Variants in FARP2 observed in about 807,000 individuals in gnomAD.
The protein encoded by FARP2 is FERM, ARH/RhoGEF and pleckstrin domain protein 2, also known as FERM, ARHGEF and pleckstrin domain-containing protein 2.
A neutral mutation model predicts 130.5 loss-of-function variants in FARP2; 111 were observed. The observed-to-expected ratio is 0.85, with a 90% CI of 0.73 to 1.00. The LOEUF (loss-of-function observed/expected upper bound fraction) is 1.00. Ranked by LOEUF, FARP2 falls within the 50% of genes least tolerant of loss-of-function variation. The pLI is 0.00. For synonymous variants in FARP2, 504 were observed against 516.9 expected (o/e 0.98, Z 0.34); for missense variants, 1,385 against 1,346.3 (o/e 1.03, Z -0.45).
chr2:241,431,634 T>C (rs1367472122), intron 8 of FARP2, 45 bp from the exon 9 acceptor site: 1 of 948,220 alleles, frequency 1.1e-6, no homozygotes, highest in Non-Finnish European at 1.7e-6. Context: ...AGAAAGGGGT[T>C]ATGTGCCAGA....
At chr2:241,440,618 A>C (rs2063357244) in intron 12 of FARP2, among the ~76,000 whole-genome samples, 1 of 152,078 alleles carries the variant, frequency 6.6e-6, no homozygotes, top group South Asian at 2.1e-4. Flanking sequence ...TACATGTATG[A>C]GTGGATTGGT....
chr2:241,448,525 G>A (rs1449055251), intron 13 of FARP2, among the ~76,000 whole-genome samples: 1 of 152,168 alleles, frequency 6.6e-6, no homozygotes, highest in African/African-American at 2.4e-5. Context: ...ATAAGTCAGA[G>A]CATGCTTCTC....
Position 241,492,807 on chromosome 2 carries a change from G to C in FARP2, c.2788-122G>C, listed in dbSNP as rs1463957039. The C allele has an allele frequency of 4.6e-6, 3 of 645,910 alleles. No homozygotes were observed. The African/African-American group carries it at 5.5e-5, about 12-fold the overall frequency. 40.0% of individuals were successfully genotyped at this position (645,910 alleles called of 1,614,324 possible). On this transcript the variant is annotated intron_variant, in intron 24 of 26. Transcript: ENST00000264042. The stretch of plus-strand genomic sequence containing the variant: ...TAAAGCTGCTGTTCATAGCAGTCCA[G>C]AGGTAAAACCAAGGCCTCAGCTGGA...
chr2:241,411,712 T>C (rs1322785697), intron 6 of FARP2, among the ~76,000 whole-genome samples: 2 of 152,234 alleles, frequency 1.3e-5, no homozygotes, highest in East Asian at 3.8e-4. Context: ...GCTCCTGGAC[T>C]AGAGGTGGGA....
chr2:241,441,616 TTCAGTGCCTTAGACCTAGACACAG>T, intron 13 of FARP2, 60 bp downstream of exon 13: 2 of 1,611,856 alleles, frequency 1.2e-6, no homozygotes, highest in Non-Finnish European at 1.7e-6. Flanking sequence ...GGGGCAGAGT[TTCAGTGCCTTAGACCTAGACACAG>T]GGAGGGCCGG....
intron 11 of FARP2, among the ~76,000 whole-genome samples, chr2:241,435,278 T>G (rs1375314182): frequency 2.7e-5 from 4 of 150,542 alleles, no homozygotes; most frequent in African/African-American, 7.3e-5. Flanking sequence ...TTGTTTTTTT[T>G]TTTTTTCTGT....
At chr2:241,413,492 G>T (rs2062581749) in intron 7 of FARP2, 71 bp downstream of exon 7, 3 of 1,079,362 alleles carry the variant, frequency 2.8e-6, no homozygotes, top group Admixed American at 4.1e-5. Flanking sequence ...AACGAGAAAG[G>T]ACTGTTGTCG....
intron 26 of FARP2, chr2:241,493,739 C>T: frequency 2.0e-6 from 1 of 491,004 alleles, no homozygotes; most frequent in Non-Finnish European, 3.6e-6. Flanking sequence ...AGATTACAGG[C>T]ATGCACGCCA....
Position 241,411,015 on chromosome 2 carries a change from T to C in FARP2, c.411-18T>C. On this transcript the variant is annotated intron_variant, in intron 5 of 26. Coordinates refer to ENST00000264042, the MANE Select transcript of FARP2 (RefSeq NM_014808.4). ...ACATTTGGAATTGATCTCTGTCTTA[T>C]TTTGAACTCTCTTCTAGATACTTGT... The C allele has an allele frequency of 6.5e-7, 1 of 1,534,008 alleles. No individual in the cohort carries two copies.
chr2:241,388,354 G>A (rs557497239), intron 2 of FARP2, among the ~76,000 whole-genome samples: 1 of 152,174 alleles, frequency 6.6e-6, no homozygotes, highest in African/African-American at 2.4e-5. Flanking sequence ...CACAGATGGT[G>A]CCTAGGCAAG....
chr2:241,388,574 T>C (rs1283835198), intron 2 of FARP2, among the ~76,000 whole-genome samples: 1 of 152,176 alleles, frequency 6.6e-6, no homozygotes, highest in Non-Finnish European at 1.5e-5. Flanking sequence ...AGAGAAAATA[T>C]TTGCAAAAGA....
intron 5 of FARP2, among the ~76,000 whole-genome samples, chr2:241,409,065 TA>T (rs1213381214): frequency 6.6e-6 from 1 of 151,824 alleles, no homozygotes; most frequent in East Asian, 1.9e-4. Flanking sequence ...GATAGATAGA[TA>T]GATAGATAGA....
intron 17 of FARP2, chr2:241,466,179 A>C: frequency 9.6e-7 from 1 of 1,043,280 alleles, no homozygotes; most frequent in Admixed American, 5.0e-5. Flanking sequence ...ATCAGGGACC[A>C]CCCCCTCACG....
chr2:241,434,159 G>T lies in FARP2; in HGVS notation c.869G>T (p.Gly290Val). ...TTAACCTTTGTGTTTTGTTTCTAGG[G>T]ACCTTACCAGGACACATTAGAATTT... ...FLIKLHPEVH[G>V]PYQDTLEFLL... Residue 290 changes from glycine to valine, a missense_variant and splice_region_variant, in exon 10 of 27, where the codon GGA becomes GTA. Coordinates refer to ENST00000264042, the MANE Select transcript of FARP2 (RefSeq NM_014808.4). The T allele has an allele frequency of 6.3e-7, 1 of 1,597,488 alleles. No individual in the cohort carries two copies. The highest frequency in any genetic ancestry group is 8.5e-7 in the Non-Finnish European group (1 of 1,173,348).
chr2:241,446,121 C>G (rs1206766798), intron 13 of FARP2: 1 of 152,170 alleles, frequency 6.6e-6, no homozygotes, highest in Non-Finnish European at 1.5e-5. Flanking sequence ...TATTTCAAGT[C>G]TAACAGTAGC....
At chr2:241,404,982 A>C in intron 4 of FARP2, 141 bp downstream of exon 4, 1 of 575,884 alleles carries the variant, frequency 1.7e-6, no homozygotes, top group Non-Finnish European at 3.1e-6. Context: ...ACAAACTTGG[A>C]AGTCATTTTG....
intron 13 of FARP2, among the ~76,000 whole-genome samples, chr2:241,448,839 G>C (rs1431118170): frequency 2.0e-5 from 3 of 152,240 alleles, no homozygotes; most frequent in African/African-American, 4.8e-5. Context: ...GTGGTCCAAG[G>C]CTTCGTGTGT....
chr2:241,465,323 C>A (rs923101596), intron 17 of FARP2: 27 of 699,658 alleles, frequency 3.9e-5, no homozygotes, highest in Non-Finnish European at 6.6e-5. Context: ...TTCCTCAGAA[C>A]ATCATTCTCA....
chr2:241,393,004 C>T (rs1473396870), intron 2 of FARP2, among the ~76,000 whole-genome samples: 3 of 151,660 alleles, frequency 2.0e-5, no homozygotes, highest in Non-Finnish European at 4.4e-5. Flanking sequence ...TTTAACGCTA[C>T]TCCTGATGGT....
Sources: allele counts gnomAD v4.1 joint callset (sites outside exome capture counted in the v4.1 genomes callset), GRCh38; gene constraint gnomAD v4.1.1; transcripts MANE v1.5; gene names NCBI Gene and HGNC (gene_info 2026-07-23, HGNC 2026-07-21).